USP32: variants seen among roughly 807,000 people sequenced by gnomAD.
USP32 encodes the protein ubiquitin carboxyl-terminal hydrolase 32.
USP32 carries 59 observed loss-of-function variants against 204.8 expected under a neutral mutation model. The ratio of observed to expected loss-of-function variants is 0.29; its 90% confidence interval spans 0.23 to 0.36. The LOEUF is 0.36. USP32 is among the 10% of genes least tolerant of loss of function. USP32 has a pLI of 1.00. For synonymous variants in USP32, 517 were observed against 678.4 expected (o/e 0.76, Z 3.70); for missense variants, 1,160 against 1,946.4 (o/e 0.60, Z 7.60).
intron 1 of USP32, among the ~76,000 whole-genome samples, chr17:60,398,732 C>T (rs187793053): frequency 4.6e-5 from 7 of 151,708 alleles, no homozygotes; most frequent in Admixed American, 4.6e-4. Flanking sequence ...AATCCTAGCA[C>T]TTTGGGAGGC....
rs569640537 is a variant in USP32 at position 60,302,774 on chromosome 17, T to C, written c.187-1070A>G. Among the ~76,000 whole-genome samples, 6 of 152,312 alleles carry C rather than the reference T, an allele frequency of 3.9e-5. No individual in the cohort carries two copies. In the East Asian group the frequency reaches 1.2e-3, roughly 29 times the overall value. On this transcript the variant is annotated intron_variant, in intron 2 of 33. Transcript: ENST00000300896. ...ATTGGAAAAAAAGATACTCTCTAAC[T>C]GAATGTTCAGAAATTCAAAGAGACT...
intron 1 of USP32, among the ~76,000 whole-genome samples, chr17:60,419,566 A>T (rs1219781222): frequency 4.0e-5 from 6 of 151,870 alleles, no homozygotes; most frequent in Admixed American, 3.3e-4. Flanking sequence ...CCCCGTCTCT[A>T]CTAGAAATAC....
chr17:60,272,285 C>T (rs945803498), intron 5 of USP32, among the ~76,000 whole-genome samples: 1 of 152,184 alleles, frequency 6.6e-6, no homozygotes, highest in African/African-American at 2.4e-5. Flanking sequence ...AAAGTCAGCA[C>T]TGACAGAGAA....
chr17:60,179,368 C>T lies in USP32; in HGVS notation c.4702G>A (p.Gly1568Arg), dbSNP rs1053621. 1 of 1,613,394 alleles carries T rather than the reference C, an allele frequency of 6.2e-7. No individual in the cohort carries two copies. Among genetic ancestry groups the T allele is most frequent in the South Asian group, 1.1e-5 (1 of 91,050 alleles). ...SAYILFYEQQ[G>R]IDYAQFLPKT... ...GGCAGAAATTGTGCATAGTCTATCC[C>T]CTGCTGCTCATAGAAAAGAATGTAG... Residue 1568 changes from glycine (G) to arginine (R), a missense_variant, in exon 34 of 34, where the codon GGG becomes AGG. Gly to Arg is a moderately radical substitution (Grantham distance 125). This residue lies in a region of USP32 where 244 missense variants were observed against 342.3 expected (regional missense o/e 0.71). Coordinates refer to ENST00000300896, the MANE Select transcript of USP32 (RefSeq NM_032582.4).
chr17:60,378,643 T>A (rs1311843395), intron 1 of USP32, among the ~76,000 whole-genome samples: 1 of 152,154 alleles, frequency 6.6e-6, no homozygotes, highest in Non-Finnish European at 1.5e-5. Context: ...TACTACAACA[T>A]GGATAAACCT....
chr17:60,370,205 A>G (rs1051393818), intron 1 of USP32, among the ~76,000 whole-genome samples: 1 of 152,124 alleles, frequency 6.6e-6, no homozygotes, highest in African/African-American at 2.4e-5. Flanking sequence ...ATAAAAATAA[A>G]AAGAATTTTT....
chr17:60,237,093 T>G (rs1367884797), intron 11 of USP32, among the ~76,000 whole-genome samples: 1 of 150,616 alleles, frequency 6.6e-6, no homozygotes, highest in Admixed American at 6.7e-5. Context: ...TACACTGGGA[T>G]TATAAAAAAA....
At chr17:60,254,777 G>A (rs183665846) in intron 10 of USP32, among the ~76,000 whole-genome samples, 28 of 152,112 alleles carry the variant, frequency 1.8e-4, no homozygotes, top group Admixed American at 1.3e-3. Flanking sequence ...CATCTTTCTG[G>A]TCATACTGCC....
At chr17:60,372,349 C>G (rs1169438376) in intron 1 of USP32, among the ~76,000 whole-genome samples, 1 of 152,150 alleles carries the variant, frequency 6.6e-6, no homozygotes, top group Non-Finnish European at 1.5e-5. Flanking sequence ...GTGCAGACAT[C>G]AGCGTGCTTA....
chr17:60,261,028 C>A (rs2086439805), intron 9 of USP32, among the ~76,000 whole-genome samples: 1 of 152,152 alleles, frequency 6.6e-6, no homozygotes, highest in Non-Finnish European at 1.5e-5. Flanking sequence ...TAAATTTCAA[C>A]TCATTCAGGA....
chr17:60,419,558 C>T (rs1309989644), intron 1 of USP32, among the ~76,000 whole-genome samples: 1 of 151,854 alleles, frequency 6.6e-6, no homozygotes, highest in Admixed American at 6.6e-5. Context: ...CAGTGAAACC[C>T]CGTCTCTACT....
At chr17:60,300,134 T>C (rs977983486) in intron 3 of USP32, among the ~76,000 whole-genome samples, 3 of 152,108 alleles carry the variant, frequency 2.0e-5, no homozygotes, top group African/African-American at 7.2e-5. Context: ...ACCCAGCATA[T>C]GGTGTTCAAG....
rs2089787671 is a variant in USP32 at position 60,389,332 on chromosome 17, G to C, written c.58+2550C>G. 2.0e-5 allele frequency among the ~76,000 whole-genome samples: 3 copies of C among 152,040 alleles called. No individual in the cohort carries two copies. In the South Asian group the frequency reaches 6.2e-4, roughly 31 times the overall value. On this transcript the variant is annotated intron_variant, in intron 1 of 33. Coordinates refer to ENST00000300896, the MANE Select transcript of USP32 (RefSeq NM_032582.4). ...CGAGGCTGGTGGATCACCTGTGGTTGAGAGTTTGAGACCATCCTGGCTAAC... is the reference window on the plus strand; with the variant it reads ...CGAGGCTGGTGGATCACCTGTGGTTCAGAGTTTGAGACCATCCTGGCTAAC...
At chr17:60,279,184 C>T (rs553209293) in intron 5 of USP32, among the ~76,000 whole-genome samples, 13 of 152,278 alleles carry the variant, frequency 8.5e-5, no homozygotes, top group South Asian at 2.1e-4. Context: ...TTAGTACAAA[C>T]GGCTTTAAAG....
Position 60,183,479 on chromosome 17 carries a change from C to A in USP32, c.3835-26G>T, listed in dbSNP as rs779662775. On this transcript the variant is annotated intron_variant, in intron 30 of 33. Coordinates refer to ENST00000300896, the MANE Select transcript of USP32 (RefSeq NM_032582.4). Reference sequence around the variant, plus strand: ...CTGGAGAAGTAAAGGTAGAAAACATCTGCATTAAAGGGTTCTGAAGATACA... The same window carrying A: ...CTGGAGAAGTAAAGGTAGAAAACATATGCATTAAAGGGTTCTGAAGATACA... 1.9e-6 allele frequency: 3 copies of A among 1,565,096 alleles called. No homozygotes were observed. In the South Asian group the frequency reaches 3.6e-5, roughly 19 times the overall value.
chr17:60,290,575 G>A (rs1372786917), intron 4 of USP32, among the ~76,000 whole-genome samples: 1 of 151,982 alleles, frequency 6.6e-6, no homozygotes, highest in Non-Finnish European at 1.5e-5. Context: ...TCCTTTAATT[G>A]TAATTTCTTA....
At chr17:60,306,302 A>G (rs2087720880) in intron 2 of USP32, among the ~76,000 whole-genome samples, 5 of 152,202 alleles carry the variant, frequency 3.3e-5, no homozygotes. Context: ...GTAAAGTGTT[A>G]TTTATATAAT....
At chr17:60,204,976 AGAGAC>A (rs1264790402) in intron 26 of USP32, among the ~76,000 whole-genome samples, 2 of 150,256 alleles carry the variant, frequency 1.3e-5, no homozygotes, top group East Asian at 3.9e-4. Flanking sequence ...TTTTTTTAGA[AGAGAC>A]GAGGTCTCAC....
chr17:60,304,089 C>T (rs978514483), intron 2 of USP32, among the ~76,000 whole-genome samples: 3 of 151,934 alleles, frequency 2.0e-5, no homozygotes, highest in African/African-American at 7.2e-5. Flanking sequence ...ATAGATCACA[C>T]CTATAATCCC....
Sources: gnomAD v4.1 joint callset for allele counts (sites outside exome capture counted in the v4.1 genomes callset) on GRCh38, gnomAD v4.1.1 for gene constraint, gnomAD v4.1.1 regional missense constraint, MANE v1.5 for transcripts, NCBI Gene and HGNC (gene_info 2026-07-23, HGNC 2026-07-21) for gene names.